Variants in BLM observed in about 807,000 individuals in gnomAD.
BLM encodes the protein recQ-like DNA helicase BLM.
Under a neutral mutation model 135.3 loss-of-function variants are expected in BLM, and 95 were observed. That is an observed-to-expected ratio of 0.70 (90% confidence interval 0.59 to 0.83). The LOEUF is 0.83. Ranked by LOEUF, BLM falls within the 40% of genes least tolerant of loss-of-function variation. The pLI, the probability that BLM is intolerant of heterozygous loss-of-function variation, is 0.00. For synonymous variants in BLM, 520 were observed against 589.2 expected (o/e 0.88, Z 1.70); for missense variants, 1,518 against 1,663.9 (o/e 0.91, Z 1.53).
At chr15:90,761,317 A>G (rs1488703788) in intron 7 of BLM, 62 bp downstream of exon 7, 20 of 1,237,692 alleles carry the variant, frequency 1.6e-5, no homozygotes, top group Non-Finnish European at 2.1e-5. Context: ...TAGGAATTAT[A>G]TAAGAAAAAC....
At position 90,769,569 on chromosome 15, in the gene BLM, GA is replaced by G. The variant is rs770751979; in HGVS notation, c.2539del (p.Ile847PhefsTer9). The G allele has an allele frequency of 1.9e-6, 3 of 1,613,962 alleles. No homozygotes were observed. The highest frequency in any genetic ancestry group is 2.5e-6 in the Non-Finnish European group (3 of 1,179,916). On this transcript the variant is annotated frameshift_variant, in exon 12 of 22. Coordinates refer to ENST00000355112, the MANE Select transcript of BLM (RefSeq NM_000057.4). LOFTEE classifies it high-confidence loss of function. Reference protein sequence around the residue: ...VQKDILTQLKILRPQVFSMSF... With the variant: ...VQKDILTQLKXLRPQVFSMSF... ...AGAAGGACATCCTGACTCAGCTGAA[GA>G]TTCTCAGACCTCAGGTGTAAGTTGT...
intron 12 of BLM, among the ~76,000 whole-genome samples, chr15:90,771,477 G>A (rs1896314195): frequency 6.6e-6 from 1 of 151,216 alleles, no homozygotes; most frequent in Non-Finnish European, 1.5e-5. Flanking sequence ...ACAGAGTAAG[G>A]CCCTGTCTCA....
Position 90,815,138 on chromosome 15 carries a change from G to T in BLM, c.4113G>T (p.Thr1371=), listed in dbSNP as rs61754135. Residue 1371 remains threonine, a synonymous_variant, in exon 22 of 22, where the codon ACG becomes ACT. Transcript: ENST00000355112. This position sits in a 1 kb window ranked among gnomAD's most constrained non-coding sequence, Gnocchi z 4.6. ...CATGTAGAAAGATATCTTCCAAAAC[G>T]AAATCCTCCAGCATCATTGGATCCA... The part of the protein sequence containing the change: ...SATCRKISSK[T]KSSSIIGSSS... The T allele has an allele frequency of 6.2e-7, 1 of 1,614,048 alleles. No homozygotes were observed. The highest frequency in any genetic ancestry group is 2.2e-5 in the East Asian group (1 of 44,884).
chr15:90,778,308 A>G (rs1167461474), intron 12 of BLM, among the ~76,000 whole-genome samples: 2 of 152,196 alleles, frequency 1.3e-5, no homozygotes, highest in African/African-American at 2.4e-5. Flanking sequence ...AGCTTTTTCA[A>G]TTGTGTCTAC....
Position 90,809,133 on chromosome 15 carries a change from A to G in BLM, c.3752-4A>G, listed in dbSNP as rs1489122577. ...TAAATTCCTAATTTTATGCCTTTGC[A>G]CAGAATCTTTATCTTCTGATCCTGA... On this transcript the variant is annotated splice_region_variant and splice_polypyrimidine_tract_variant and intron_variant, in intron 19 of 21. Coordinates refer to ENST00000355112, the MANE Select transcript of BLM (RefSeq NM_000057.4). 6.2e-7 allele frequency: 1 copy of G among 1,614,168 alleles called. No individual in the cohort carries two copies. The highest frequency in any genetic ancestry group is 8.5e-7 in the Non-Finnish European group (1 of 1,179,994).
At position 90,765,327 on chromosome 15, in the gene BLM, T is replaced by A. The variant is rs529421306; in HGVS notation, c.2106T>A (p.Pro702=). The change falls in exon 9 of 22, where the codon CCT becomes CCA. Residue 702 remains proline, a synonymous_variant. Coordinates refer to ENST00000355112, the MANE Select transcript of BLM (RefSeq NM_000057.4). ...GTAAGAGTTTGTGTTACCAGCTCCC[T>A]GCCTGTGTTTCTCCTGGGGTCACTG... ...GGGKSLCYQL[P]ACVSPGVTVV... The A allele has an allele frequency of 2.7e-5, 43 of 1,613,586 alleles. 1 individual carries two copies. The highest frequency in any genetic ancestry group is 3.3e-5 in the South Asian group (3 of 91,084).
intron 1 of BLM, among the ~76,000 whole-genome samples, chr15:90,738,546 G>C (rs973606775): frequency 6.6e-6 from 1 of 151,422 alleles, no homozygotes; most frequent in African/African-American, 2.4e-5. Flanking sequence ...CTGGGTGACA[G>C]AGTGAAACCC....
At chr15:90,733,528 T>C (rs1895120995) in intron 1 of BLM, among the ~76,000 whole-genome samples, 2 of 152,252 alleles carry the variant, frequency 1.3e-5, no homozygotes, top group Admixed American at 1.3e-4. Flanking sequence ...AAATTCTTTA[T>C]TTTCCAAATG....
Position 90,800,680 on chromosome 15 carries a change from CA to C in BLM, c.3358+2353del, listed in dbSNP as rs139738393. Among the ~76,000 whole-genome samples, 195 of 141,676 alleles carry C rather than the reference CA, an allele frequency of 1.4e-3. 1 individual carries two copies. Among genetic ancestry groups the C allele is most frequent in the African/African-American group, 4.7e-3 (179 of 38,398 alleles). The allele number at this position is 141,676 out of a possible 152,430, so 92.9% of individuals were successfully genotyped here. A position where few individuals can be genotyped will look rare whatever the true frequency, so the allele number is the denominator to read the frequency against. On this transcript the variant is annotated intron_variant, in intron 17 of 21. Coordinates refer to ENST00000355112, the MANE Select transcript of BLM (RefSeq NM_000057.4). Reference sequence around the variant, plus strand: ...GGGCAACAAGAGTGAAACTCCATCTCAAAAAAAAAAGAAGGAACAGGGCCCA... The same window carrying C: ...GGGCAACAAGAGTGAAACTCCATCTCAAAAAAAAAGAAGGAACAGGGCCCA...
chr15:90,769,741 G>A (rs1400023892), intron 12 of BLM, among the ~76,000 whole-genome samples, 155 bp downstream of exon 12: 2 of 131,016 alleles, frequency 1.5e-5, no homozygotes, highest in African/African-American at 2.9e-5. Context: ...AAATCAGAAC[G>A]TTTGGGGCTG....
intron 5 of BLM, among the ~76,000 whole-genome samples, chr15:90,756,289 G>T (rs1399994871): frequency 1.3e-5 from 2 of 152,052 alleles, no homozygotes. Flanking sequence ...ATTTCTAATA[G>T]AGACAGGGTT....
chr15:90,761,050 T>A lies in BLM; in HGVS notation c.1677T>A (p.Asp559Glu), dbSNP rs780794194. 10 of 1,587,772 alleles carry A rather than the reference T, an allele frequency of 6.3e-6. No individual in the cohort carries two copies. Among genetic ancestry groups the A allele is most frequent in the Non-Finnish European group, 7.7e-6 (9 of 1,169,700 alleles). ...PSYDIDNFDI[D>E]DFDDDDDWED... The stretch of plus-strand genomic sequence containing the variant: ...ATGATATTGATAATTTTGACATAGA[T>A]GACTTTGATGATGATGATGACTGGG... The change falls in exon 7 of 22, where the codon GAT (aspartate) becomes GAA (glutamate). Residue 559 changes from aspartate to glutamate, a missense_variant. Asp to Glu is a conservative substitution (Grantham distance 45). Transcript: ENST00000355112.
At position 90,784,960 on chromosome 15, in the gene BLM, G is replaced by A. The variant is rs758311406; in HGVS notation, c.2702G>A (p.Cys901Tyr). The A allele has an allele frequency of 6.2e-7, 1 of 1,614,152 alleles. No homozygotes were observed. Among genetic ancestry groups the A allele is most frequent in the Non-Finnish European group, 8.5e-7 (1 of 1,180,022 alleles). Residue 901 changes from cysteine to tyrosine, a missense_variant, in exon 14 of 22, where the codon TGT becomes TAT. Physicochemically the swap from Cys to Tyr is radical, Grantham distance 194. Coordinates refer to ENST00000355112, the MANE Select transcript of BLM (RefSeq NM_000057.4). ...ATTTACTGCCTCTCCAGGCGAGAAT[G>A]TGACACCATGGCTGACACGTTACAG... The part of the protein sequence containing the change: ...GIIYCLSRRE[C>Y]DTMADTLQRD...
chr15:90,790,536 T>C (rs2043450996), intron 14 of BLM, 113 bp from the exon 15 acceptor site: 1 of 972,044 alleles, frequency 1.0e-6, no homozygotes, highest in Non-Finnish European at 1.6e-6. Context: ...GGTTGTTATG[T>C]AGTGTGCATT....
Position 90,769,343 on chromosome 15 carries a change from A to T in BLM, c.2407-95A>T, listed in dbSNP as rs2151165953. 1.3e-5 allele frequency: 21 copies of T among 1,557,626 alleles called. 1 individual carries two copies. In the Middle Eastern group the frequency reaches 8.4e-4, roughly 62 times the overall value. ...GTGAACGAGTCTCCTATTTTACTGA[A>T]GAATAAGGTAGTTCTTAATACATTG... is the stretch of plus-strand genomic sequence containing the variant. On this transcript the variant is annotated intron_variant, in intron 11 of 21. Transcript: ENST00000355112.
At chr15:90,774,407 G>A (rs2151171153) in intron 12 of BLM, among the ~76,000 whole-genome samples, 1 of 151,958 alleles carries the variant, frequency 6.6e-6, no homozygotes, top group African/African-American at 2.4e-5. Context: ...AGCAGTGTGT[G>A]GGGGTTGCAG....
chr15:90,784,847 G>A (rs1896704435), intron 13 of BLM, 74 bp from the exon 14 acceptor site: 1 of 1,484,744 alleles, frequency 6.7e-7, no homozygotes, highest in Admixed American at 1.7e-5. Flanking sequence ...ATATATTTCT[G>A]AAAATGTAGT....
intron 1 of BLM, among the ~76,000 whole-genome samples, chr15:90,717,728 C>G (rs1054633175): frequency 6.6e-6 from 1 of 152,266 alleles, no homozygotes; most frequent in Non-Finnish European, 1.5e-5. Flanking sequence ...CCCATATACT[C>G]CAGTGCGTAA....
intron 12 of BLM, among the ~76,000 whole-genome samples, chr15:90,778,257 A>G (rs999573701): frequency 4.6e-5 from 7 of 152,188 alleles, no homozygotes. Context: ...ATTTTTAGTA[A>G]AAGTAATTTG....
Sources: gnomAD v4.1 joint callset for allele counts (sites outside exome capture counted in the v4.1 genomes callset) on GRCh38, gnomAD v4.1.1 for gene constraint, Gnocchi (gnomAD v3.1) non-coding constraint, MANE v1.5 for transcripts, NCBI Gene and HGNC (gene_info 2026-07-23, HGNC 2026-07-21) for gene names.